CCDC171: variants seen among roughly 807,000 people sequenced by gnomAD.
CCDC171 encodes the protein coiled-coil domain containing 171, also known as coiled-coil domain-containing protein 171.
In CCDC171, 177 loss-of-function variants were observed where a neutral mutation model predicts 168.2. The ratio of observed to expected loss-of-function variants is 1.05; its 90% CI spans 0.93 to 1.19. The LOEUF (loss-of-function observed/expected upper bound fraction) is 1.19, where lower values mean the gene tolerates loss of function less well. CCDC171 is among the 50% of genes most tolerant of loss of function. The probability of loss-of-function intolerance (pLI) is 0.00; values close to 1 mark genes in which losing one functional copy is unlikely to be tolerated. For synonymous variants in CCDC171, 687 were observed against 540.8 expected (o/e 1.27, Z -3.75); for missense variants, 1,991 against 1,539.0 (o/e 1.29, Z -4.91).
chr9:15,958,807 C>G (rs1246199653), intron 25 of CCDC171, among the ~76,000 whole-genome samples: 2 of 152,032 alleles, frequency 1.3e-5, no homozygotes, highest in Admixed American at 6.6e-5. Flanking sequence ...AGAAGACTAC[C>G]AGTCAAGTTA....
intron 25 of CCDC171, among the ~76,000 whole-genome samples, chr9:15,954,780 T>C (rs1261685710): frequency 6.6e-6 from 1 of 152,058 alleles, no homozygotes; most frequent in Admixed American, 6.6e-5. Flanking sequence ...GTTTGTTTCT[T>C]TCTAGGCTTT....
At chr9:15,623,436 A>AAT in intron 7 of CCDC171, 23 bp downstream of exon 7, 1 of 1,525,946 alleles carries the variant, frequency 6.6e-7, no homozygotes, top group Non-Finnish European at 8.8e-7. Flanking sequence ...ATTCCTTTAT[A>AAT]ATATATATGC....
At chr9:16,017,864 A>G (rs867141042) in intron 3 of CCDC171, among the ~76,000 whole-genome samples, 21 of 152,208 alleles carry the variant, frequency 1.4e-4, no homozygotes, top group Admixed American at 2.6e-4. Flanking sequence ...TAAGAGCAGC[A>G]CCGCAGCACT....
At chr9:15,602,482 A>G (rs1480264154) in intron 6 of CCDC171, among the ~76,000 whole-genome samples, 1 of 152,064 alleles carries the variant, frequency 6.6e-6, no homozygotes, top group East Asian at 1.9e-4. Context: ...CCACCATAAA[A>G]AGAAAATCTC....
chr9:15,838,061 G>C (rs1291065135), intron 21 of CCDC171, among the ~76,000 whole-genome samples: 3 of 152,098 alleles, frequency 2.0e-5, no homozygotes, highest in Non-Finnish European at 4.4e-5. Context: ...TTTCTGCTAT[G>C]ATGTAGGGTT....
intron 1 of CCDC171, among the ~76,000 whole-genome samples, chr9:15,559,504 T>C (rs540929533): frequency 6.6e-6 from 1 of 152,278 alleles, no homozygotes; most frequent in South Asian, 2.1e-4. Context: ...CTTTGTCTCT[T>C]TTGATCTTTG....
rs74327770 is a variant in CCDC171, at chr9:15,811,932, T to G, written c.3267+27238T>G. On this transcript the variant is annotated intron_variant, in intron 21 of 25. Coordinates refer to ENST00000380701, the MANE Select transcript of CCDC171 (RefSeq NM_173550.4). The stretch of plus-strand genomic sequence containing the variant: ...GTATCAGGGCTGGAAAGCTGGAGAT[T>G]TATGTTAAGTTGTGGGAAAACATTT... Among the ~76,000 whole-genome samples, 1,460 of 152,282 alleles carry G rather than the reference T, an allele frequency of 9.6e-3. 27 individuals carry two copies. Among genetic ancestry groups the G allele is most frequent in the African/African-American group, 0.034 (1,396 of 41,544 alleles).
intron 21 of CCDC171, among the ~76,000 whole-genome samples, chr9:15,793,513 A>G (rs1037156839): frequency 6.8e-5 from 10 of 146,140 alleles, no homozygotes; most frequent in East Asian, 2.0e-4. Flanking sequence ...TCAACAGAAT[A>G]TACATTCTTT....
intron 21 of CCDC171, among the ~76,000 whole-genome samples, chr9:15,821,963 A>G (rs550741447): frequency 2.8e-4 from 42 of 152,260 alleles, no homozygotes; most frequent in African/African-American, 7.0e-4. Context: ...CCAAAACACC[A>G]TGGTAGTATT....
rs1588007559 is a variant in CCDC171 at position 15,695,221 on chromosome 9, T to C, written c.1216-14T>C. Reference sequence around the variant, plus strand: ...ATACGTGACCTTATGTGTAATTTTTTTCTTAATTAAAAGGCTAAGAAGCAC... The same window carrying C: ...ATACGTGACCTTATGTGTAATTTTTCTCTTAATTAAAAGGCTAAGAAGCAC... On this transcript the variant is annotated splice_polypyrimidine_tract_variant and intron_variant, in intron 10 of 25. Transcript: ENST00000380701. 1.3e-6 allele frequency: 2 copies of C among 1,594,770 alleles called. No individual in the cohort carries two copies. Among genetic ancestry groups the C allele is most frequent in the Non-Finnish European group, 1.7e-6 (2 of 1,162,562 alleles).
intron 11 of CCDC171, among the ~76,000 whole-genome samples, chr9:15,704,092 A>G (rs549413106): frequency 8.5e-4 from 129 of 152,360 alleles, no homozygotes; most frequent in African/African-American, 3.0e-3. Flanking sequence ...GTTTGTAAAA[A>G]TCGCAATACC....
the CCDC171 span, among the ~76,000 whole-genome samples, chr9:16,074,616 C>A: frequency 6.6e-6 from 1 of 151,990 alleles, no homozygotes; most frequent in African/African-American, 2.4e-5. Context: ...GCTAATAATT[C>A]AAGGCTTTGT....
chr9:15,846,286 A>C (rs1291368266), intron 21 of CCDC171, among the ~76,000 whole-genome samples: 1 of 152,052 alleles, frequency 6.6e-6, no homozygotes, highest in Non-Finnish European at 1.5e-5. Flanking sequence ...TTTCTCAATC[A>C]CATGCATAGT....
At chr9:15,836,313 TAG>T (rs1488814838) in intron 21 of CCDC171, among the ~76,000 whole-genome samples, 2 of 152,196 alleles carry the variant, frequency 1.3e-5, no homozygotes, top group Non-Finnish European at 2.9e-5. Flanking sequence ...TTGAGGCTGA[TAG>T]AGTGTTCTTT....
At chr9:15,555,033 T>G (rs138917755) in intron 1 of CCDC171, among the ~76,000 whole-genome samples, 1 of 152,160 alleles carries the variant, frequency 6.6e-6, no homozygotes, top group African/African-American at 2.4e-5. Flanking sequence ...GCATTTGGGA[T>G]GACCAACTGA....
intron 9 of CCDC171, 104 bp downstream of exon 9, chr9:15,666,427 T>C: frequency 1.3e-6 from 1 of 745,270 alleles, no homozygotes; most frequent in Non-Finnish European, 2.1e-6. Flanking sequence ...CTCCCATTAA[T>C]GTCAGTGGTA....
chr9:15,720,358 ATCTTTC>A (rs1554776566), intron 11 of CCDC171, among the ~76,000 whole-genome samples: 1 of 152,116 alleles, frequency 6.6e-6, no homozygotes, highest in Non-Finnish European at 1.5e-5. Context: ...TTTATCTACT[ATCTTTC>A]TCTTATTAAA....
At chr9:15,628,495 C>T (rs918777822) in intron 7 of CCDC171, among the ~76,000 whole-genome samples, 10 of 152,200 alleles carry the variant, frequency 6.6e-5, no homozygotes, top group African/African-American at 1.7e-4. Flanking sequence ...TGCCATTGCC[C>T]AGGCTTGCTT....
Position 15,585,643 on chromosome 9 carries a change from G to A in CCDC171, c.353-5723G>A, listed in dbSNP as rs549238628. On this transcript the variant is annotated intron_variant, in intron 4 of 25. Coordinates refer to ENST00000380701, the MANE Select transcript of CCDC171 (RefSeq NM_173550.4). ...GGGTACTTTTTGGGTTGAAAGAAAT[G>A]TTCTGTATTTTGATAGGTGTTTGGG... Among the ~76,000 whole-genome samples the A allele has an allele frequency of 2.0e-5, 3 of 152,260 alleles. No individual in the cohort carries two copies. In the South Asian group the frequency reaches 6.2e-4, roughly 32 times the overall value.
Sources: allele counts gnomAD v4.1 joint callset (sites outside exome capture counted in the v4.1 genomes callset), GRCh38; gene constraint gnomAD v4.1.1; transcripts MANE v1.5; gene names NCBI Gene and HGNC (gene_info 2026-07-23, HGNC 2026-07-21).